Variants in CRYBG1 observed in about 807,000 individuals in gnomAD.
CRYBG1 encodes crystallin beta-gamma domain containing 1, also known as beta/gamma crystallin domain-containing protein 1.
Under a neutral mutation model 189.2 loss-of-function variants are expected in CRYBG1, and 139 were observed. The ratio of observed to expected loss-of-function variants is 0.73; its 90% CI spans 0.64 to 0.85. The LOEUF (loss-of-function observed/expected upper bound fraction) is 0.85. CRYBG1 is among the 40% of genes least tolerant of loss of function. The pLI, the probability that CRYBG1 is intolerant of heterozygous loss-of-function variation, is 0.00. For synonymous variants in CRYBG1, 1,023 were observed against 1,017.1 expected (o/e 1.01, Z -0.11); for missense variants, 2,611 against 2,675.8 (o/e 0.98, Z 0.53).
Position 106,512,128 on chromosome 6 carries a change from G to A in CRYBG1, c.1011G>A (p.Lys337=), listed in dbSNP as rs1370467564. ...GPRNARSQPP[K]GASDLPGEPP... ...GCAACGCCCGCAGCCAGCCCCCCAAGGGCGCGTCTGATTTGCCAGGTGAGC... is the reference window on the plus strand; with the variant it reads ...GCAACGCCCGCAGCCAGCCCCCCAAAGGCGCGTCTGATTTGCCAGGTGAGC... The change falls in exon 3 of 22, where the codon AAG becomes AAA. Residue 337 remains lysine, a synonymous_variant. Transcript: ENST00000633556. 1.3e-6 allele frequency: 2 copies of A among 1,534,424 alleles called. No homozygotes were observed. Among genetic ancestry groups the A allele is most frequent in the East Asian group, 2.4e-5 (1 of 40,874 alleles).
chr6:106,385,513 C>T (rs1425080767), intron 1 of CRYBG1, among the ~76,000 whole-genome samples: 1 of 152,172 alleles, frequency 6.6e-6, no homozygotes, highest in Non-Finnish European at 1.5e-5. Context: ...ATTCAGTTTT[C>T]CTGATACATA....
At chr6:106,515,794 T>G (rs1218286454) in intron 3 of CRYBG1, among the ~76,000 whole-genome samples, 1 of 147,250 alleles carries the variant, frequency 6.8e-6, no homozygotes, top group Admixed American at 6.7e-5. Context: ...TATTTATTTA[T>G]TTATTTATTT....
chr6:106,511,069 G>A lies in CRYBG1; in HGVS notation c.313-361G>A, dbSNP rs77417245. The stretch of plus-strand genomic sequence containing the variant: ...ACTGCTGCCCCATGGTCACATGCAC[G>A]GCTGTTTATAAATTGCATCTTTATT... On this transcript the variant is annotated intron_variant, in intron 2 of 21. Transcript: ENST00000633556. Among the ~76,000 whole-genome samples the A allele has an allele frequency of 0.011, 1,618 of 152,268 alleles. 116 individuals are homozygous for A. In the East Asian group the frequency reaches 0.2, roughly 19 times the overall value.
chr6:106,481,959 T>C (rs544110081), intron 2 of CRYBG1, among the ~76,000 whole-genome samples: 2 of 144,894 alleles, frequency 1.4e-5, no homozygotes, highest in South Asian at 2.1e-4. Context: ...TTCTGTACTT[T>C]CTTACTTACA....
At chr6:106,522,734 C>T (rs930860904) in intron 4 of CRYBG1, among the ~76,000 whole-genome samples, 1 of 152,130 alleles carries the variant, frequency 6.6e-6, no homozygotes, top group African/African-American at 2.4e-5. Context: ...CACCTTTCCT[C>T]GTCTGTACAG....
chr6:106,459,907 C>T (rs538362414), intron 2 of CRYBG1, among the ~76,000 whole-genome samples: 2 of 152,312 alleles, frequency 1.3e-5, no homozygotes, highest in Non-Finnish European at 2.9e-5. Flanking sequence ...TGTTTTCCCA[C>T]CACTTTATGA....
chr6:106,542,136 G>C (rs1362341999), intron 10 of CRYBG1, among the ~76,000 whole-genome samples: 1 of 148,706 alleles, frequency 6.7e-6, no homozygotes, highest in Admixed American at 6.7e-5. Context: ...ATATGTGTGT[G>C]TGTATATATT....
chr6:106,485,047 A>C (rs1772568154), intron 2 of CRYBG1, among the ~76,000 whole-genome samples: 2 of 152,316 alleles, frequency 1.3e-5, no homozygotes, highest in East Asian at 3.9e-4. Flanking sequence ...TTGGTATTTT[A>C]ATAGTGATTG....
At chr6:106,409,614 C>T (rs924138922) in intron 1 of CRYBG1, among the ~76,000 whole-genome samples, 2 of 152,154 alleles carry the variant, frequency 1.3e-5, no homozygotes, top group South Asian at 4.1e-4. Flanking sequence ...TGCTACCTGA[C>T]TTCAAACTAT....
At chr6:106,386,531 C>T (rs916672961) in intron 1 of CRYBG1, among the ~76,000 whole-genome samples, 18 of 152,204 alleles carry the variant, frequency 1.2e-4, no homozygotes, top group African/African-American at 4.3e-4. Context: ...ATTATGGTCT[C>T]TGTGCAGACC....
At chr6:106,480,099 TA>T (rs1772411785) in intron 2 of CRYBG1, among the ~76,000 whole-genome samples, 1 of 152,170 alleles carries the variant, frequency 6.6e-6, no homozygotes, top group African/African-American at 2.4e-5. Flanking sequence ...TGGGGTGAGA[TA>T]GGGGCCACCA....
At chr6:106,516,920 A>G (rs1037960765) in intron 3 of CRYBG1, among the ~76,000 whole-genome samples, 1 of 151,206 alleles carries the variant, frequency 6.6e-6, no homozygotes, top group African/African-American at 2.4e-5. Flanking sequence ...CCGATGAAGC[A>G]TTTGTCAAGG....
chr6:106,541,630 A>G lies in CRYBG1; in HGVS notation c.4881+9A>G. ...TCCCTACAGATCCAAAGGTAAAAATATATATGTATTTTTGTATGTATGTAT... is the reference window on the plus strand; with the variant it reads ...TCCCTACAGATCCAAAGGTAAAAATGTATATGTATTTTTGTATGTATGTAT... On this transcript the variant is annotated intron_variant, in intron 10 of 21. Coordinates refer to ENST00000633556, the MANE Select transcript of CRYBG1 (RefSeq NM_001371242.2). 2 of 1,589,928 alleles carry G rather than the reference A, an allele frequency of 1.3e-6. No homozygotes were observed. The highest frequency in any genetic ancestry group is 1.7e-6 in the Non-Finnish European group (2 of 1,159,572).
At chr6:106,495,212 A>G (rs964357918) in intron 2 of CRYBG1, among the ~76,000 whole-genome samples, 13 of 152,144 alleles carry the variant, frequency 8.5e-5, no homozygotes, top group African/African-American at 3.1e-4. Context: ...TCTGGGAGAG[A>G]GCCGGCTCTG....
At chr6:106,423,026 C>T (rs1771157700) in intron 1 of CRYBG1, among the ~76,000 whole-genome samples, 2 of 152,096 alleles carry the variant, frequency 1.3e-5, no homozygotes, top group African/African-American at 4.8e-5. Context: ...TCCACAAAGC[C>T]TTGGAGGATA....
At position 106,360,753 on chromosome 6, in the gene CRYBG1, A is replaced by T; in HGVS notation, c.-156A>T. 1.3e-6 allele frequency: 1 copy of T among 786,410 alleles called. No individual in the cohort carries two copies. The highest frequency in any genetic ancestry group is 1.9e-6 in the Non-Finnish European group (1 of 530,910). The allele number at this position is 786,410 out of a possible 1,614,324, so 48.7% of individuals were successfully genotyped here. A position where few individuals can be genotyped will look rare whatever the true frequency, so the allele number is the denominator to read the frequency against. Reference sequence around the variant, plus strand: ...CGCTGCGCTGGGTGCTGGTTCTGCAACCCGCGGCCGTCCCCCCGCATCCGC... The same window carrying T: ...CGCTGCGCTGGGTGCTGGTTCTGCATCCCGCGGCCGTCCCCCCGCATCCGC... On this transcript the variant is annotated 5_prime_UTR_variant, in exon 1 of 22. Transcript: ENST00000633556.
In CRYBG1 at chr6:106,537,230, G is replaced by C. The variant is rs555702724; in HGVS notation, c.4719-2173G>C. Among the ~76,000 whole-genome samples, 171 of 152,248 alleles carry C rather than the reference G, an allele frequency of 1.1e-3. 1 individual carries two copies. Among genetic ancestry groups the C allele is most frequent in the African/African-American group, 3.8e-3 (159 of 41,544 alleles). On this transcript the variant is annotated intron_variant, in intron 8 of 21. Transcript: ENST00000633556. ...ATAGAAGGAAAGACTTAATGAAAAG[G>C]GTACTTCGGTAAGAATCATTTCAAA...
At chr6:106,475,563 G>T (rs906496212) in intron 2 of CRYBG1, among the ~76,000 whole-genome samples, 8 of 152,142 alleles carry the variant, frequency 5.3e-5, no homozygotes, top group Non-Finnish European at 1.0e-4. Context: ...GTGTGTTTGG[G>T]GAACTGTGAA....
At chr6:106,548,618 T>C (rs568032592) in intron 13 of CRYBG1, among the ~76,000 whole-genome samples, 5 of 152,298 alleles carry the variant, frequency 3.3e-5, no homozygotes, top group African/African-American at 1.2e-4. Flanking sequence ...AACCCTCTTA[T>C]CTCTCTACTT....
Sources: allele counts gnomAD v4.1 joint callset (sites outside exome capture counted in the v4.1 genomes callset), GRCh38; gene constraint gnomAD v4.1.1; transcripts MANE v1.5; gene names NCBI Gene and HGNC (gene_info 2026-07-23, HGNC 2026-07-21).